KCND2: variants seen among roughly 807,000 people sequenced by gnomAD.
KCND2 encodes potassium voltage-gated channel subfamily D member 2, also known as A-type voltage-gated potassium channel KCND2.
In KCND2, 16 loss-of-function variants were observed where a neutral mutation model predicts 54.4. That is an observed-to-expected ratio of 0.29 (90% CI 0.20 to 0.45). The LOEUF (loss-of-function observed/expected upper bound fraction) is 0.45. KCND2 is among the 20% of genes least tolerant of loss of function. The pLI is 1.00. For missense variants in KCND2, 486 were observed against 824.2 expected (o/e 0.59, Z 5.02); for synonymous variants, 317 against 310.7 (o/e 1.02, Z -0.21).
chr7:120,325,086 A>G (rs956125679), intron 1 of KCND2, among the ~76,000 whole-genome samples: 1 of 146,718 alleles, frequency 6.8e-6, no homozygotes, highest in Non-Finnish European at 1.5e-5. Context: ...TTCACTCATG[A>G]TTTGGCTCTC....
chr7:120,609,094 C>G (rs763617624), intron 1 of KCND2, among the ~76,000 whole-genome samples: 23 of 151,862 alleles, frequency 1.5e-4, no homozygotes, highest in Non-Finnish European at 3.4e-4. Flanking sequence ...ACTGGTAGTG[C>G]AAAACTGTTC....
At chr7:120,389,917 C>T (rs1056923944) in intron 1 of KCND2, among the ~76,000 whole-genome samples, 5 of 151,948 alleles carry the variant, frequency 3.3e-5, no homozygotes, top group Admixed American at 3.3e-4. Context: ...CCCTTGATCA[C>T]CTATTAATGA....
intron 1 of KCND2, among the ~76,000 whole-genome samples, chr7:120,293,158 C>G (rs1283241673): frequency 6.6e-6 from 1 of 151,866 alleles, no homozygotes; most frequent in African/African-American, 2.4e-5. Context: ...ATTCCATGAA[C>G]TAATAAAAAT....
intron 1 of KCND2, among the ~76,000 whole-genome samples, chr7:120,503,662 T>C (rs916868887): frequency 2.0e-5 from 3 of 151,934 alleles, no homozygotes; most frequent in Admixed American, 6.6e-5. Flanking sequence ...TGCTCATAAT[T>C]CCTCAGTATC....
intron 1 of KCND2, among the ~76,000 whole-genome samples, chr7:120,530,207 T>C (rs1042002003): frequency 6.6e-6 from 1 of 152,186 alleles, no homozygotes; most frequent in Non-Finnish European, 1.5e-5. Flanking sequence ...TAACACAAAG[T>C]ATAAATGCTT....
intron 1 of KCND2, among the ~76,000 whole-genome samples, chr7:120,558,602 A>G (rs182955122): frequency 6.6e-6 from 1 of 152,314 alleles, no homozygotes; most frequent in East Asian, 1.9e-4. Flanking sequence ...TTCTTATAAT[A>G]TCTTCATTTG....
chr7:120,466,911 T>A (rs950325779), intron 1 of KCND2, among the ~76,000 whole-genome samples: 24 of 152,144 alleles, frequency 1.6e-4, no homozygotes, highest in Non-Finnish European at 3.2e-4. Context: ...TGGCCCCTTA[T>A]CCATCTCCAG....
chr7:120,518,679 G>A (rs7357188), intron 1 of KCND2, among the ~76,000 whole-genome samples: 9,688 of 152,184 alleles, frequency 0.064, 635 homozygotes, highest in African/African-American at 0.18. Context: ...TGGAATATAA[G>A]CTAAAGAAAT....
chr7:120,501,492 C>A (rs1319220576), intron 1 of KCND2, among the ~76,000 whole-genome samples: 1 of 152,156 alleles, frequency 6.6e-6, no homozygotes, highest in Non-Finnish European at 1.5e-5. Context: ...GCAATGGCAA[C>A]AAGCAGCATT....
chr7:120,363,963 A>C (rs1800631473), intron 1 of KCND2, among the ~76,000 whole-genome samples: 1 of 152,116 alleles, frequency 6.6e-6, no homozygotes, highest in Non-Finnish European at 1.5e-5. Flanking sequence ...TTTTGCCCAG[A>C]TACTCACTTG....
intron 1 of KCND2, among the ~76,000 whole-genome samples, chr7:120,442,283 C>A (rs546435269): frequency 6.6e-6 from 1 of 152,162 alleles, no homozygotes; most frequent in South Asian, 2.1e-4. Flanking sequence ...CTTTGTGTGT[C>A]CAGCATGATA....
intron 1 of KCND2, among the ~76,000 whole-genome samples, chr7:120,583,217 C>T (rs1792542591): frequency 6.6e-6 from 1 of 152,114 alleles, no homozygotes; most frequent in Non-Finnish European, 1.5e-5. Flanking sequence ...TCCACTCAGA[C>T]CAACACATCC....
intron 1 of KCND2, among the ~76,000 whole-genome samples, chr7:120,534,805 C>T (rs1440324960): frequency 6.6e-6 from 1 of 152,086 alleles, no homozygotes; most frequent in Non-Finnish European, 1.5e-5. Flanking sequence ...TTAAGGATGT[C>T]TCTTGTACTG....
At chr7:120,382,886 T>C (rs1188026098) in intron 1 of KCND2, among the ~76,000 whole-genome samples, 2 of 152,046 alleles carry the variant, frequency 1.3e-5, no homozygotes, top group East Asian at 3.9e-4. Flanking sequence ...TCACAATCTT[T>C]CTACTTCTGT....
chr7:120,427,654 T>C (rs1343510810), intron 1 of KCND2, among the ~76,000 whole-genome samples: 1 of 152,120 alleles, frequency 6.6e-6, no homozygotes, highest in East Asian at 1.9e-4. Flanking sequence ...CATGAGAAAA[T>C]GTTTATCCAT....
intron 1 of KCND2, among the ~76,000 whole-genome samples, chr7:120,706,369 A>T (rs956472626): frequency 6.6e-6 from 1 of 152,164 alleles, no homozygotes; most frequent in Non-Finnish European, 1.5e-5. Context: ...TATTTCCCTC[A>T]GTTCTGGATG....
chr7:120,504,148 A>G (rs957553334), intron 1 of KCND2, among the ~76,000 whole-genome samples: 1 of 152,096 alleles, frequency 6.6e-6, no homozygotes, highest in Admixed American at 6.6e-5. Flanking sequence ...ATGCACAAAT[A>G]TATTATAGTG....
At chr7:120,586,121 G>A (rs962213165) in intron 1 of KCND2, among the ~76,000 whole-genome samples, 46 of 151,624 alleles carry the variant, frequency 3.0e-4, no homozygotes, top group African/African-American at 1.0e-3. Flanking sequence ...TAAATTTTAG[G>A]TATCATACAA....
At chr7:120,447,912 G>A (rs1474270575) in intron 1 of KCND2, among the ~76,000 whole-genome samples, 4 of 151,710 alleles carry the variant, frequency 2.6e-5, no homozygotes. Context: ...TTTAGTTTTT[G>A]AAGTTCAGGT....
Sources: gnomAD v4.1 joint callset for allele counts (sites outside exome capture counted in the v4.1 genomes callset) on GRCh38, gnomAD v4.1.1 for gene constraint, MANE v1.5 for transcripts, NCBI Gene and HGNC (gene_info 2026-07-23, HGNC 2026-07-21) for gene names.